The following NALCN variants were observed in gnomAD, a reference collection of about 807,000 sequenced individuals.
The protein encoded by NALCN is sodium leak channel, non-selective, also known as sodium leak channel NALCN.
In NALCN, 111 loss-of-function variants were observed where a neutral mutation model predicts 225.3. That is an observed-to-expected ratio of 0.49 (90% CI 0.42 to 0.58). NALCN has a LOEUF of 0.58. Among genes scored for constraint, NALCN ranks in the 20% least tolerant of loss-of-function variants. The probability of loss-of-function intolerance (pLI) is 0.00; values close to 1 mark genes in which losing one functional copy is unlikely to be tolerated. For missense variants in NALCN, 1,378 were observed against 2,202.4 expected, an observed-to-expected ratio of 0.63 and a Z score of 7.49; for synonymous variants, 764 against 769.0, an observed-to-expected ratio of 0.99 and a Z score of 0.11.
chr13:101,138,736 C>T (rs1021967554), intron 17 of NALCN, among the ~76,000 whole-genome samples: 2 of 152,228 alleles, frequency 1.3e-5, no homozygotes, highest in Non-Finnish European at 2.9e-5. Flanking sequence ...CTTCGGAGAA[C>T]AGAGCGGGCT....
intron 15 of NALCN, among the ~76,000 whole-genome samples, chr13:101,151,400 G>T (rs2037640639): frequency 6.6e-6 from 1 of 152,082 alleles, no homozygotes; most frequent in African/African-American, 2.4e-5. Flanking sequence ...TAATTTTTTG[G>T]TATGATTTCC....
intron 17 of NALCN, among the ~76,000 whole-genome samples, chr13:101,133,881 T>C (rs1463054589): frequency 6.6e-6 from 1 of 152,146 alleles, no homozygotes; most frequent in African/African-American, 2.4e-5. Flanking sequence ...CAAGATTTCT[T>C]ATTGTAGGCC....
chr13:101,234,422 TGA>T (rs775188953), intron 12 of NALCN, among the ~76,000 whole-genome samples: 8 of 152,210 alleles, frequency 5.3e-5, no homozygotes, highest in Non-Finnish European at 8.8e-5. Flanking sequence ...CATTTAAATG[TGA>T]GAAATATGAA....
chr13:101,279,836 A>AAAATAAAT (rs71121179), intron 10 of NALCN, among the ~76,000 whole-genome samples: 5,438 of 133,886 alleles, frequency 0.041, 152 homozygotes, highest in East Asian at 0.11. Context: ...ATAAATAAAT[A>AAAATAAAT]AAATAAATAA....
chr13:101,068,925 G>A (rs984224703), intron 37 of NALCN, 98 bp from the exon 38 acceptor site: 1 of 1,276,538 alleles, frequency 7.8e-7, no homozygotes, highest in African/African-American at 1.5e-5. Flanking sequence ...TAAACATATA[G>A]CATATAATTA....
chr13:101,064,201 C>T (rs2139419040), intron 40 of NALCN, among the ~76,000 whole-genome samples: 1 of 152,244 alleles, frequency 6.6e-6, no homozygotes, highest in Non-Finnish European at 1.5e-5. Flanking sequence ...GTAACAAAGA[C>T]ATGGATATTG....
At chr13:101,272,564 A>C (rs1183145772) in intron 10 of NALCN, among the ~76,000 whole-genome samples, 1 of 152,228 alleles carries the variant, frequency 6.6e-6, no homozygotes, top group Non-Finnish European at 1.5e-5. Flanking sequence ...TTTTGAGGGC[A>C]GGAATATGAA....
chr13:101,127,168 G>T (rs762597486), intron 17 of NALCN, among the ~76,000 whole-genome samples: 5 of 152,196 alleles, frequency 3.3e-5, no homozygotes, highest in African/African-American at 7.2e-5. Flanking sequence ...TTGCCTAAAT[G>T]ATTTCTGCCC....
At chr13:101,139,884 T>G (rs1463274030) in intron 17 of NALCN, among the ~76,000 whole-genome samples, 2 of 152,228 alleles carry the variant, frequency 1.3e-5, no homozygotes, top group Non-Finnish European at 2.9e-5. Flanking sequence ...GTGCTTCCAT[T>G]AAATCCTTAT....
At chr13:101,138,858 T>A (rs1163966360) in intron 17 of NALCN, among the ~76,000 whole-genome samples, 1 of 152,174 alleles carries the variant, frequency 6.6e-6, no homozygotes, top group African/African-American at 2.4e-5. Flanking sequence ...AAAATACAAG[T>A]AGAAATTGTT....
chr13:101,387,077 C>T (rs1044249570), intron 3 of NALCN, among the ~76,000 whole-genome samples: 4 of 150,588 alleles, frequency 2.7e-5, no homozygotes, highest in Admixed American at 6.6e-5. Context: ...AAAAATTAGC[C>T]GGGCGCGGTG....
chr13:101,310,085 C>T (rs939005516), intron 7 of NALCN, among the ~76,000 whole-genome samples: 1 of 152,150 alleles, frequency 6.6e-6, no homozygotes, highest in African/African-American at 2.4e-5. Context: ...TCCACTGCTA[C>T]CACCTTTGTC....
At chr13:101,097,054 T>C (rs888799971) in intron 27 of NALCN, among the ~76,000 whole-genome samples, 4 of 152,178 alleles carry the variant, frequency 2.6e-5, no homozygotes, top group African/African-American at 9.7e-5. Context: ...GCTTTCCCTG[T>C]CCTTCTTGGC....
intron 7 of NALCN, among the ~76,000 whole-genome samples, chr13:101,309,405 A>G (rs1010129083): frequency 6.6e-6 from 1 of 152,230 alleles, no homozygotes; most frequent in African/African-American, 2.4e-5. Flanking sequence ...CTCACAGTTC[A>G]TGACCATAAT....
In NALCN at chr13:101,062,025, C is replaced by T; in HGVS notation, c.4698G>A (p.Glu1566=). 6.2e-7 allele frequency: 1 copy of T among 1,614,154 alleles called. No individual in the cohort carries two copies. Among genetic ancestry groups the T allele is most frequent in the Non-Finnish European group, 8.5e-7 (1 of 1,180,014 alleles). The change falls in exon 41 of 44, where the codon GAG becomes GAA. Residue 1566 remains glutamate (E), a synonymous_variant. Coordinates refer to ENST00000251127, the MANE Select transcript of NALCN (RefSeq NM_052867.4). ...REQLEYTIEE[E]VAKQTIRMWL... ...ACATGCGGATGGTCTGCTTGGCCAC[C>T]TCCTCCTCTATGGTGTACTCCAGCT...
At chr13:101,108,487 G>A (rs1439892295) in intron 20 of NALCN, among the ~76,000 whole-genome samples, 1 of 152,194 alleles carries the variant, frequency 6.6e-6, no homozygotes, top group East Asian at 1.9e-4. Flanking sequence ...GAAAGGCATA[G>A]AGAGACATAG....
rs932887695 is a variant in NALCN, at chr13:101,104,558, C to T, written c.2729G>A (p.Arg910Gln). 15 of 1,613,834 alleles carry T rather than the reference C, an allele frequency of 9.3e-6. No homozygotes were observed. The highest frequency in any genetic ancestry group is 1.7e-5 in the Admixed American group (1 of 59,988). Reference sequence around the variant, plus strand: ...CAAAGTAGGTGCATGCATGACTCTTCGAAACGGGGACTCAAACATCATGGA... The same window carrying T: ...CAAAGTAGGTGCATGCATGACTCTTTGAAACGGGGACTCAAACATCATGGA... ...CISMMFESPF[R>Q]RVMHAPTLQI... The change falls in exon 24 of 44, where the codon CGA (arginine) becomes CAA (glutamine). Residue 910 changes from arginine (R) to glutamine (Q), a missense_variant. Arg to Gln is a conservative substitution (Grantham distance 43). Around this residue, in one of 19 missense-constraint regions of NALCN, gnomAD observed 292 missense variants for 409.5 expected, o/e 0.71. Transcript: ENST00000251127. The surrounding 1 kb of genome is among the most constrained non-coding windows in gnomAD (Gnocchi z 4.2).
chr13:101,342,648 T>C (rs7328177), intron 7 of NALCN, among the ~76,000 whole-genome samples: 4,786 of 152,302 alleles, frequency 0.031, 257 homozygotes, highest in African/African-American at 0.11. Flanking sequence ...TTCTGTTAGA[T>C]GCCCAGTCCT....
chr13:101,068,312 T>C (rs2032589037), intron 38 of NALCN, among the ~76,000 whole-genome samples: 1 of 152,126 alleles, frequency 6.6e-6, no homozygotes, highest in Non-Finnish European at 1.5e-5. Flanking sequence ...TAGTTGAGAG[T>C]TCCAGGGCCA....
Sources: allele counts gnomAD v4.1 joint callset (sites outside exome capture counted in the v4.1 genomes callset), GRCh38; gene constraint gnomAD v4.1.1; regional missense constraint gnomAD v4.1.1; non-coding constraint Gnocchi (gnomAD v3.1); transcripts MANE v1.5; gene names NCBI Gene and HGNC (gene_info 2026-07-23, HGNC 2026-07-21).